Variants in TMEM131 observed in about 807,000 individuals in gnomAD.
TMEM131 encodes the protein 2610524E03Rik.
TMEM131 carries 66 observed loss-of-function variants against 211.6 expected under a neutral mutation model. The ratio of observed to expected loss-of-function variants is 0.31; its 90% confidence interval spans 0.26 to 0.38. TMEM131 has a LOEUF of 0.38. Ranked by LOEUF, TMEM131 falls within the 10% of genes least tolerant of loss-of-function variation. The pLI is 1.00. For missense variants in TMEM131, 2,036 were observed against 2,299.3 expected (o/e 0.89, Z 2.34); for synonymous variants, 844 against 841.3 (o/e 1.00, Z -0.06).
rs993335569 is a variant in TMEM131, at chr2:97,995,511, G to A, written c.152C>T (p.Thr51Ile). The A allele has an allele frequency of 2.1e-5, 30 of 1,411,140 alleles. No individual in the cohort carries two copies. Among genetic ancestry groups the A allele is most frequent in the East Asian group, 3.1e-5 (1 of 32,082 alleles). 87.4% of individuals were successfully genotyped at this position (1,411,140 alleles called of 1,614,324 possible). A position where few individuals can be genotyped will look rare whatever the true frequency, so the allele number is the denominator to read the frequency against. The stretch of plus-strand genomic sequence containing the variant: ...GGCCCGCGCCGCAGCCACTACGAGG[G>A]TCATCACCAGGTGCAGCGCGCCTAG... ...GLLGALHLVM[T>I]LVVAAARAEK... Residue 51 changes from threonine to isoleucine, a missense_variant, in exon 1 of 41, where the codon ACC becomes ATC. Thr to Ile is a moderately conservative substitution (Grantham distance 89). Around this residue, in one of 3 missense-constraint regions of TMEM131, gnomAD observed 136 missense variants for 115.4 expected, o/e 1.18. Coordinates refer to ENST00000186436, the MANE Select transcript of TMEM131 (RefSeq NM_015348.2).
At chr2:97,761,699 A>C (rs1678860812) in intron 36 of TMEM131, 1 of 208,244 alleles carries the variant, frequency 4.8e-6, no homozygotes, top group African/African-American at 2.3e-5. Flanking sequence ...CCATACTCCC[A>C]ACTCACAGGA....
chr2:97,891,451 C>G (rs1675371236), intron 3 of TMEM131, among the ~76,000 whole-genome samples: 1 of 152,086 alleles, frequency 6.6e-6, no homozygotes, highest in Admixed American at 6.6e-5. Context: ...TTATTTTATG[C>G]TTTCTGCAAT....
chr2:97,793,914 A>G (rs942636195), intron 29 of TMEM131, among the ~76,000 whole-genome samples: 2 of 143,292 alleles, frequency 1.4e-5, no homozygotes, highest in African/African-American at 5.2e-5. Flanking sequence ...GAATGGCATG[A>G]ACCCGGGAGG....
At chr2:97,772,858 C>T (rs1679532033) in intron 32 of TMEM131, among the ~76,000 whole-genome samples, 1 of 152,194 alleles carries the variant, frequency 6.6e-6, no homozygotes, top group African/African-American at 2.4e-5. Context: ...GATCATGCCA[C>T]TAAACTCAGC....
At chr2:97,762,014 G>A (rs752048335) in intron 36 of TMEM131, 21 bp downstream of exon 36, 5 of 1,536,250 alleles carry the variant, frequency 3.3e-6, no homozygotes, top group Non-Finnish European at 4.4e-6. Context: ...CTGAGAACCG[G>A]AAAGGAAGCA....
intron 11 of TMEM131, among the ~76,000 whole-genome samples, chr2:97,829,821 C>T (rs1682577989): frequency 6.6e-6 from 1 of 152,162 alleles, no homozygotes; most frequent in Non-Finnish European, 1.5e-5. Flanking sequence ...TTTCAATATG[C>T]TTAAAGGCTA....
intron 35 of TMEM131, chr2:97,764,110 C>T (rs758443109): frequency 5.9e-5 from 9 of 152,208 alleles, no homozygotes; most frequent in Non-Finnish European, 1.3e-4. Flanking sequence ...GGGCACCATG[C>T]TAAGGGGTGC....
At chr2:97,794,800 G>C (rs543058478) in intron 29 of TMEM131, 130 bp downstream of exon 29, 2 of 685,046 alleles carry the variant, frequency 2.9e-6, no homozygotes, top group East Asian at 6.0e-5. Context: ...CTGTGAGATT[G>C]ATAAAGGCAG....
In TMEM131 at chr2:97,995,506, C is replaced by A; in HGVS notation, c.157G>T (p.Val53Leu). 1 of 1,413,776 alleles carries A rather than the reference C, an allele frequency of 7.1e-7. No homozygotes were observed. Among genetic ancestry groups the A allele is most frequent in the South Asian group, 1.5e-5 (1 of 67,690 alleles). The allele number at this position is 1,413,776 out of a possible 1,614,324, so 87.6% of individuals were successfully genotyped here. Residue 53 changes from valine to leucine, a missense_variant, in exon 1 of 41, where the codon GTA becomes TTA. This residue lies in a region of TMEM131 where 136 missense variants were observed against 115.4 expected (regional missense o/e 1.18). Coordinates refer to ENST00000186436, the MANE Select transcript of TMEM131 (RefSeq NM_015348.2). ...LGALHLVMTL[V>L]VAAARAEKEA... ...TTCTCGGCCCGCGCCGCAGCCACTACGAGGGTCATCACCAGGTGCAGCGCG... is the reference window on the plus strand; with the variant it reads ...TTCTCGGCCCGCGCCGCAGCCACTAAGAGGGTCATCACCAGGTGCAGCGCG...
chr2:97,945,639 A>G (rs902157933), intron 1 of TMEM131, among the ~76,000 whole-genome samples: 2 of 152,140 alleles, frequency 1.3e-5, no homozygotes, highest in Non-Finnish European at 2.9e-5. Context: ...AAATTCATTC[A>G]TTAGATTGTG....
chr2:97,975,909 C>T (rs1396971343), intron 1 of TMEM131, among the ~76,000 whole-genome samples: 1 of 151,086 alleles, frequency 6.6e-6, no homozygotes, highest in Non-Finnish European at 1.5e-5. Context: ...AAATAAATTG[C>T]ATAATACCTA....
chr2:97,970,879 G>A (rs538436111), intron 1 of TMEM131, among the ~76,000 whole-genome samples: 2 of 152,274 alleles, frequency 1.3e-5, no homozygotes, highest in African/African-American at 4.8e-5. Flanking sequence ...TTGACTATGT[G>A]CTCTGGAACT....
intron 4 of TMEM131, among the ~76,000 whole-genome samples, chr2:97,879,130 G>A (rs778366192): frequency 2.0e-5 from 3 of 152,186 alleles, no homozygotes; most frequent in African/African-American, 7.2e-5. Flanking sequence ...GTTAGACTGG[G>A]GAAAGGCTTG....
intron 1 of TMEM131, among the ~76,000 whole-genome samples, chr2:97,959,014 A>C (rs1678693067): frequency 6.6e-6 from 1 of 152,228 alleles, no homozygotes; most frequent in South Asian, 2.1e-4. Flanking sequence ...CCCACAGAGA[A>C]AAGAAGAGGA....
intron 33 of TMEM131, among the ~76,000 whole-genome samples, chr2:97,771,983 T>C (rs909408387): frequency 6.6e-6 from 1 of 152,256 alleles, no homozygotes; most frequent in Non-Finnish European, 1.5e-5. Context: ...AAGGTCATCT[T>C]TGTGCAGAAG....
intron 4 of TMEM131, among the ~76,000 whole-genome samples, chr2:97,861,383 A>C (rs1209403357): frequency 2.0e-5 from 3 of 151,042 alleles, no homozygotes; most frequent in African/African-American, 7.3e-5. Context: ...CTTCTGCTTG[A>C]CAGAGGAGAG....
chr2:97,888,200 T>G lies in TMEM131; in HGVS notation c.291-80A>C, dbSNP rs903697524. On this transcript the variant is annotated intron_variant, in intron 3 of 40. Coordinates refer to ENST00000186436, the MANE Select transcript of TMEM131 (RefSeq NM_015348.2). ...CCAAACTCTATTCAGACAGCTGACT[T>G]TTGTCATAACAATGCCATTTTAAGA... 70 of 1,235,436 alleles carry G rather than the reference T, an allele frequency of 5.7e-5. No individual in the cohort carries two copies. The Middle Eastern group carries it at 2.6e-3, about 46-fold the overall frequency. 76.5% of individuals were successfully genotyped at this position (1,235,436 alleles called of 1,614,324 possible). A position where few individuals can be genotyped will look rare whatever the true frequency, so the allele number is the denominator to read the frequency against.
chr2:97,787,195 A>G (rs1415263373), intron 31 of TMEM131, among the ~76,000 whole-genome samples: 1 of 152,242 alleles, frequency 6.6e-6, no homozygotes, highest in African/African-American at 2.4e-5. Context: ...CTAGACATTT[A>G]CTTCGTCTTT....
rs181983868 is a variant in TMEM131, at chr2:97,897,416, T to C, written c.291-9296A>G. On this transcript the variant is annotated intron_variant, in intron 3 of 40. Transcript: ENST00000186436. ...TACCATGTTAACTGTTACTTTTCCA[T>C]AGATACTCTTTATCAGGTTAAAGAC... Among the ~76,000 whole-genome samples the C allele has an allele frequency of 1.2e-3, 182 of 152,232 alleles. 3 individuals carry two copies. The highest frequency in any genetic ancestry group is 7.7e-4 in the East Asian group (4 of 5,194).
Sources: gnomAD v4.1 joint callset for allele counts (sites outside exome capture counted in the v4.1 genomes callset) on GRCh38, gnomAD v4.1.1 for gene constraint, gnomAD v4.1.1 regional missense constraint, MANE v1.5 for transcripts, NCBI Gene and HGNC (gene_info 2026-07-23, HGNC 2026-07-21) for gene names.